MVD: variants seen among roughly 807,000 people sequenced by gnomAD.
The protein encoded by MVD is diphosphomevalonate decarboxylase.
A neutral mutation model predicts 42.4 loss-of-function variants in MVD; 52 were observed. The ratio of observed to expected loss-of-function variants is 1.23; its 90% CI spans 0.98 to 1.55. The LOEUF is 1.55. Ranked by LOEUF, MVD falls within the 40% of genes most tolerant of loss-of-function variation. The probability of loss-of-function intolerance (pLI) is 0.00; values close to 1 mark genes in which losing one functional copy is unlikely to be tolerated. For missense variants in MVD, 663 were observed against 572.1 expected (o/e 1.16, Z -1.62); for synonymous variants, 287 against 243.2 (o/e 1.18, Z -1.68).
At chr16:88,661,116 T>C (rs1908265031) in intron 1 of MVD, among the ~76,000 whole-genome samples, 1 of 143,748 alleles carries the variant, frequency 7.0e-6, no homozygotes, top group Non-Finnish European at 1.5e-5. Context: ...AGCAATTCAA[T>C]AGAGGAAGGA....
chr16:88,655,776 GC>G (rs1298620293), intron 5 of MVD, 46 bp from the exon 6 acceptor site: 14 of 1,541,262 alleles, frequency 9.1e-6, no homozygotes, highest in African/African-American at 1.4e-5. Flanking sequence ...CAGGGGGCCA[GC>G]CCCAAGGACC....
rs1162402332 is a variant in MVD, at chr16:88,655,655, C to G, written c.678+1G>C. ...CCGGGACCACCCGCTCCTGGCCTTA[C>G]CCGAAGCAGGGGGCTGGTCTCCACA... On this transcript the variant is annotated splice_donor_variant, in intron 6 of 9. Coordinates refer to ENST00000301012, the MANE Select transcript of MVD (RefSeq NM_002461.3). LOFTEE classifies it high-confidence loss of function. 8.8e-5 allele frequency: 137 copies of G among 1,552,240 alleles called. No homozygotes were observed. Among genetic ancestry groups the G allele is most frequent in the Non-Finnish European group, 1.2e-4 (134 of 1,148,290 alleles).
intron 2 of MVD, among the ~76,000 whole-genome samples, 192 bp downstream of exon 2, chr16:88,658,458 T>C (rs372628199): frequency 2.6e-5 from 4 of 151,724 alleles, no homozygotes; most frequent in Non-Finnish European, 4.4e-5. Flanking sequence ...AGAGACAGGG[T>C]CTCACTCTGT....
At chr16:88,658,775 GTGTTCCCCACAGGT>G in intron 1 of MVD, 55 bp from the exon 2 acceptor site, 2 of 1,040,186 alleles carry the variant, frequency 1.9e-6, no homozygotes, top group Non-Finnish European at 2.4e-6. Context: ...CCCTCCCCCA[GTGTTCCCCACAGGT>G]GCCCCCACCC....
rs370272848 is a variant in MVD, at chr16:88,655,625, G to A, written c.678+31C>T. 145 of 1,546,978 alleles carry A rather than the reference G, an allele frequency of 9.4e-5. 1 individual carries two copies. In the East Asian group the frequency reaches 2.7e-3, roughly 28 times the overall value. On this transcript the variant is annotated intron_variant, in intron 6 of 9. Transcript: ENST00000301012. ...GAGCCGGGCACAAGCGTGACTCCCA[G>A]GGCCCCGGGACCACCCGCTCCTGGC...
Position 88,657,573 on chromosome 16 carries a change from A to C in MVD, c.266T>G (p.Leu89Arg). Residue 89 changes from leucine to arginine, a missense_variant, in exon 4 of 10, where the codon CTG becomes CGG. Transcript: ENST00000301012. Reference sequence around the variant, plus strand: ...CCGTGAGTTCCTCCGCTTCCGGGCCAGGCAGCGGACTGCAGAGACAATGAG... The same window carrying C: ...CCGTGAGTTCCTCCGCTTCCGGGCCCGGCAGCGGACTGCAGAGACAATGAG... ...LQACLREIRC[L>R]ARKRRNSRDG... 1.9e-6 allele frequency: 3 copies of C among 1,612,512 alleles called. No individual in the cohort carries two copies. The highest frequency in any genetic ancestry group is 2.5e-6 in the Non-Finnish European group (3 of 1,179,736).
chr16:88,653,279 T>C (rs1907695217), intron 9 of MVD, 21 bp downstream of exon 9: 1 of 1,577,942 alleles, frequency 6.3e-7, no homozygotes, highest in African/African-American at 1.4e-5. Context: ...CCCGGGGTAC[T>C]GGGTGAGCCC....
intron 4 of MVD, chr16:88,657,138 G>C (rs746122195): frequency 3.3e-6 from 2 of 602,098 alleles, no homozygotes; most frequent in Admixed American, 4.6e-5. Context: ...GATGGGGGGG[G>C]GTCTCACTAT....
rs138732839 is a variant in MVD at position 88,655,558 on chromosome 16, G to A, written c.678+98C>T. On this transcript the variant is annotated intron_variant, in intron 6 of 9. Transcript: ENST00000301012. Reference sequence around the variant, plus strand: ...TGCACGTGGTCTTGGCGGGGCTGCCGCAGGTGTGAGAACACTCGGGCCCAG... The same window carrying A: ...TGCACGTGGTCTTGGCGGGGCTGCCACAGGTGTGAGAACACTCGGGCCCAG... 7.0e-4 allele frequency: 1,057 copies of A among 1,514,170 alleles called. 1 individual carries two copies. The highest frequency in any genetic ancestry group is 4.9e-3 in the East Asian group (202 of 40,816). 93.8% of individuals were successfully genotyped at this position (1,514,170 alleles called of 1,614,324 possible).
intron 4 of MVD, chr16:88,656,643 A>C: frequency 2.4e-6 from 1 of 419,056 alleles, no homozygotes; most frequent in Non-Finnish European, 4.5e-6. Context: ...GGTGGGAAGG[A>C]ATTTTAAGGC....
At chr16:88,658,327 G>T (rs1908074820) in intron 2 of MVD, among the ~76,000 whole-genome samples, 1 of 152,208 alleles carries the variant, frequency 6.6e-6, no homozygotes, top group Non-Finnish European at 1.5e-5. Flanking sequence ...GCACATGTGT[G>T]CTGTGCTCAG....
intron 1 of MVD, 198 bp downstream of exon 1, chr16:88,662,813 G>A: frequency 1.4e-6 from 2 of 1,469,468 alleles, no homozygotes; most frequent in Non-Finnish European, 1.8e-6. Context: ...CGGGGGAACG[G>A]GTGGCGCCGA....
chr16:88,653,270 C>G (rs748495037), intron 9 of MVD, 30 bp downstream of exon 9: 57 of 1,569,878 alleles, frequency 3.6e-5, no homozygotes, highest in Non-Finnish European at 4.6e-5. Context: ...AAAGGAAACC[C>G]CGGGGTACTG....
intron 4 of MVD, chr16:88,656,744 C>G (rs1433117532): frequency 4.0e-6 from 1 of 252,710 alleles, no homozygotes; most frequent in Non-Finnish European, 7.9e-6. Context: ...TTCTCCCCTC[C>G]TCCCACAGGG....
chr16:88,661,947 T>TAC (rs1221647571), intron 1 of MVD, among the ~76,000 whole-genome samples: 4 of 150,040 alleles, frequency 2.7e-5, no homozygotes, highest in Non-Finnish European at 4.4e-5. Context: ...CAGGTGTATA[T>TAC]ATATATACAC....
chr16:88,657,752 T>C lies in MVD; in HGVS notation c.256+163A>G, dbSNP rs192727062. ...AGACTGACCCAAGCCCAGCTGGTCA[T>C]TGAGGTGGGCCACTGCCCTGGAGCT... On this transcript the variant is annotated intron_variant, in intron 3 of 9. Coordinates refer to ENST00000301012, the MANE Select transcript of MVD (RefSeq NM_002461.3). The C allele has an allele frequency of 2.1e-3, 2,582 of 1,247,572 alleles. 17 individuals carry two copies. The Middle Eastern group carries it at 0.022, about 11-fold the overall frequency. 77.3% of individuals were successfully genotyped at this position (1,247,572 alleles called of 1,614,324 possible).
intron 4 of MVD, 23 bp downstream of exon 4, chr16:88,657,413 T>C: frequency 6.3e-7 from 1 of 1,577,170 alleles, no homozygotes. Flanking sequence ...CCAGAACCCC[T>C]GCGGGTCTCT....
intron 7 of MVD, 82 bp from the exon 8 acceptor site, chr16:88,654,889 T>C: frequency 1.5e-6 from 2 of 1,358,914 alleles, no homozygotes; most frequent in East Asian, 2.5e-5. Flanking sequence ...CCAGGCGGCC[T>C]TGGGCTCTCC....
At position 88,655,408 on chromosome 16, in the gene MVD, C is replaced by A. The variant is rs139812589; in HGVS notation, c.688G>T (p.Glu230Ter). The change falls in exon 7 of 10, where the codon GAG (glutamate) becomes TAG (stop). Residue 230 changes from glutamate to a stop codon, truncating the protein, a stop_gained. Transcript: ENST00000301012. LOFTEE classifies it high-confidence loss of function. ...GCCATGCGCGCGGGCACCACGGACT[C>A]GGCCCGGAACTGCAAGGCACAGGGT... ...ETSPLLRFRA[E>*]SVVPARMAEM... 28 of 1,574,024 alleles carry A rather than the reference C, an allele frequency of 1.8e-5. No individual in the cohort carries two copies. The South Asian group carries it at 3.2e-4, about 18-fold the overall frequency.
Sources: allele counts gnomAD v4.1 joint callset (sites outside exome capture counted in the v4.1 genomes callset), GRCh38; gene constraint gnomAD v4.1.1; transcripts MANE v1.5; gene names NCBI Gene and HGNC (gene_info 2026-07-23, HGNC 2026-07-21).